Variants in TRPM3 observed in about 807,000 individuals in gnomAD.
The protein encoded by TRPM3 is transient receptor potential cation channel subfamily M member 3, also known as long transient receptor potential channel 3.
In TRPM3, 77 loss-of-function variants were observed where a neutral mutation model predicts 181.2. The observed-to-expected ratio is 0.42, with a 90% CI of 0.35 to 0.51. The LOEUF (loss-of-function observed/expected upper bound fraction) is 0.51, where lower values mean the gene tolerates loss of function less well. Ranked by LOEUF, TRPM3 falls within the 20% of genes least tolerant of loss-of-function variation. The pLI, the probability that TRPM3 is intolerant of heterozygous loss-of-function variation, is 0.01. For synonymous variants in TRPM3, 745 were observed against 796.4 expected (o/e 0.94, Z 1.09); for missense variants, 1,759 against 2,196.7 (o/e 0.80, Z 3.98).
At chr9:71,423,769 A>G (rs2131564725) in intron 1 of TRPM3, among the ~76,000 whole-genome samples, 1 of 152,188 alleles carries the variant, frequency 6.6e-6, no homozygotes, top group African/African-American at 2.4e-5. Flanking sequence ...AAATTTACAA[A>G]CCTTTCCCTT....
intron 1 of TRPM3, among the ~76,000 whole-genome samples, chr9:71,242,516 A>G (rs2081771101): frequency 6.6e-6 from 1 of 152,234 alleles, no homozygotes; most frequent in Non-Finnish European, 1.5e-5. Flanking sequence ...GCTACCTAAA[A>G]ACTGGATTCT....
chr9:71,072,327 C>T (rs945867744), intron 1 of TRPM3, among the ~76,000 whole-genome samples: 2 of 152,164 alleles, frequency 1.3e-5, no homozygotes, highest in Non-Finnish European at 2.9e-5. Flanking sequence ...ATTATTTCTA[C>T]AAAGCATTTT....
intron 1 of TRPM3, among the ~76,000 whole-genome samples, chr9:71,422,956 C>T (rs564822913): frequency 2.6e-5 from 4 of 152,168 alleles, no homozygotes; most frequent in South Asian, 4.1e-4. Flanking sequence ...CATATCACCA[C>T]ATCAAGATGC....
chr9:70,880,967 G>C (rs2095980140), intron 1 of TRPM3, among the ~76,000 whole-genome samples: 1 of 152,026 alleles, frequency 6.6e-6, no homozygotes, highest in African/African-American at 2.4e-5. Flanking sequence ...TTTTCCTTTT[G>C]CAAACATAAA....
chr9:70,761,847 T>A lies in TRPM3; in HGVS notation c.1149-123A>T, dbSNP rs944832450. 85 of 1,186,144 alleles carry A rather than the reference T, an allele frequency of 7.2e-5. 1 individual carries two copies. The highest frequency in any genetic ancestry group is 3.4e-4 in the Admixed American group (11 of 32,314). The allele number at this position is 1,186,144 out of a possible 1,614,324, so 73.5% of individuals were successfully genotyped here. A position where few individuals can be genotyped will look rare whatever the true frequency, so the allele number is the denominator to read the frequency against. ...CTTTAGATAGGAGTTATTTCTGTAT[T>A]TTTCTCACAAAAGGTATCCCGCCTG... On this transcript the variant is annotated intron_variant, in intron 7 of 25. Transcript: ENST00000677713.
intron 1 of TRPM3, among the ~76,000 whole-genome samples, chr9:71,287,692 T>G (rs912610339): frequency 1.3e-5 from 2 of 150,750 alleles, no homozygotes; most frequent in African/African-American, 4.9e-5. Flanking sequence ...TATACAGCCA[T>G]GCACTGTATA....
intron 1 of TRPM3, among the ~76,000 whole-genome samples, chr9:71,094,139 C>T (rs1432326207): frequency 6.6e-6 from 1 of 151,818 alleles, no homozygotes; most frequent in East Asian, 1.9e-4. Flanking sequence ...ATACCTAATG[C>T]ATTCAGGGCT....
At chr9:70,668,672 GAAAAAAAAAA>G (rs57929544) in intron 9 of TRPM3, among the ~76,000 whole-genome samples, 3 of 86,520 alleles carry the variant, frequency 3.5e-5, no homozygotes, top group African/African-American at 1.3e-4. Context: ...CTCAAAAAAA[GAAAAAAAAAA>G]AAAAAAAAAA....
At chr9:71,194,763 G>T (rs1376257990) in intron 1 of TRPM3, among the ~76,000 whole-genome samples, 1 of 151,404 alleles carries the variant, frequency 6.6e-6, no homozygotes, top group Admixed American at 6.6e-5. Context: ...AGTACTGAAA[G>T]CATACTCTAC....
chr9:70,846,280 G>T, intron 4 of TRPM3, 98 bp downstream of exon 4: 2 of 1,136,560 alleles, frequency 1.8e-6, no homozygotes, highest in Non-Finnish European at 2.6e-6. Context: ...TAGGGATGAA[G>T]TGGGGTGATA....
intron 1 of TRPM3, among the ~76,000 whole-genome samples, chr9:71,065,690 CAGG>C (rs1481214081): frequency 6.6e-6 from 1 of 152,112 alleles, no homozygotes; most frequent in East Asian, 1.9e-4. Context: ...TCCTGGTAAC[CAGG>C]AGATTAAGGA....
rs2041247047 is a variant in TRPM3, at chr9:70,533,988, A to G, written c.*1965T>C. ...TTGGTGTTTTCAATTATAATTAAAC[A>G]AAAGAACCAGGTAGTATCTCAGGCC... On this transcript the variant is annotated 3_prime_UTR_variant, in exon 26 of 26. Transcript: ENST00000677713. 1 of 152,256 alleles carries G rather than the reference A, an allele frequency of 6.6e-6. No individual in the cohort carries two copies. Among genetic ancestry groups the G allele is most frequent in the African/African-American group, 2.4e-5 (1 of 41,476 alleles). 9.4% of individuals were successfully genotyped at this position (152,256 alleles called of 1,614,324 possible).
chr9:70,744,757 A>G (rs1176842488), intron 8 of TRPM3, among the ~76,000 whole-genome samples: 1 of 152,112 alleles, frequency 6.6e-6, no homozygotes, highest in Non-Finnish European at 1.5e-5. Flanking sequence ...TGTGAATCTC[A>G]CAGTTTAATA....
At chr9:71,064,389 T>G (rs1007719367) in intron 1 of TRPM3, among the ~76,000 whole-genome samples, 3 of 151,960 alleles carry the variant, frequency 2.0e-5, no homozygotes, top group Non-Finnish European at 4.4e-5. Flanking sequence ...GCTTAAAAAA[T>G]TGTTTACATT....
intron 1 of TRPM3, among the ~76,000 whole-genome samples, chr9:70,997,668 G>A (rs573862732): frequency 1.2e-4 from 19 of 152,186 alleles, no homozygotes; most frequent in Middle Eastern, 3.4e-3. Flanking sequence ...TTTGCAGGGC[G>A]CCTAATTGAT....
chr9:71,349,017 T>C (rs966898440), intron 1 of TRPM3, among the ~76,000 whole-genome samples: 6 of 152,232 alleles, frequency 3.9e-5, no homozygotes, highest in Non-Finnish European at 8.8e-5. Flanking sequence ...TCAAACATGC[T>C]GTGCTTTAAA....
intron 1 of TRPM3, among the ~76,000 whole-genome samples, chr9:70,985,868 C>T (rs1014495950): frequency 6.6e-6 from 1 of 152,112 alleles, no homozygotes; most frequent in Non-Finnish European, 1.5e-5. Flanking sequence ...ACACTCAATA[C>T]CCTGGTATAC....
At chr9:70,944,449 C>T (rs1484657383) in intron 1 of TRPM3, among the ~76,000 whole-genome samples, 1 of 152,166 alleles carries the variant, frequency 6.6e-6, no homozygotes, top group African/African-American at 2.4e-5. Flanking sequence ...CTCTTATTTT[C>T]TTTTTCCGCT....
At chr9:70,786,239 C>T (rs760061214) in intron 6 of TRPM3, among the ~76,000 whole-genome samples, 28 of 145,396 alleles carry the variant, frequency 1.9e-4, no homozygotes, top group Admixed American at 5.0e-4. Context: ...CCAAGGTGGG[C>T]GGATCACCAA....
Sources: allele counts gnomAD v4.1 joint callset (sites outside exome capture counted in the v4.1 genomes callset), GRCh38; gene constraint gnomAD v4.1.1; transcripts MANE v1.5; gene names NCBI Gene and HGNC (gene_info 2026-07-23, HGNC 2026-07-21).